The following TRPM3 variants were observed in gnomAD, a reference collection of about 807,000 sequenced individuals.
TRPM3 encodes transient receptor potential cation channel subfamily M member 3.
TRPM3 carries 77 observed loss-of-function variants against 181.2 expected under a neutral mutation model. The ratio of observed to expected loss-of-function variants is 0.42; its 90% CI spans 0.35 to 0.51. The LOEUF (loss-of-function observed/expected upper bound fraction) is 0.51. TRPM3 is among the 20% of genes least tolerant of loss of function. TRPM3 has a pLI of 0.01. For synonymous variants in TRPM3, 745 were observed against 796.4 expected (o/e 0.94, Z 1.09); for missense variants, 1,759 against 2,196.7 (o/e 0.80, Z 3.98).
intron 8 of TRPM3, among the ~76,000 whole-genome samples, chr9:70,750,478 AGG>A (rs1169202892): frequency 6.6e-6 from 1 of 152,156 alleles, no homozygotes; most frequent in Non-Finnish European, 1.5e-5. Flanking sequence ...TCAAGCCTGG[AGG>A]AGTGTTTGGA....
chr9:70,775,257 C>T (rs1457889537), intron 7 of TRPM3: 1 of 152,142 alleles, frequency 6.6e-6, no homozygotes. Context: ...GGTTTTAAAG[C>T]CCTTACTACA....
intron 1 of TRPM3, among the ~76,000 whole-genome samples, chr9:71,201,332 G>A (rs1402872466): frequency 2.0e-5 from 3 of 152,048 alleles, no homozygotes; most frequent in Non-Finnish European, 2.9e-5. Context: ...CAACTTTGGT[G>A]AATCTGACAA....
At chr9:70,677,060 G>A (rs186355688) in intron 9 of TRPM3, among the ~76,000 whole-genome samples, 247 of 151,180 alleles carry the variant, frequency 1.6e-3, no homozygotes, top group Non-Finnish European at 2.3e-3. Flanking sequence ...GGTAGGAGGC[G>A]GGACTTGACT....
chr9:70,552,783 G>T (rs2046791664), intron 24 of TRPM3, 61 bp downstream of exon 24: 1 of 1,564,934 alleles, frequency 6.4e-7, no homozygotes. Context: ...CTGCGTGATT[G>T]CCTATAGGAA....
intron 8 of TRPM3, among the ~76,000 whole-genome samples, chr9:70,740,648 A>G (rs993894584): frequency 6.6e-6 from 1 of 152,228 alleles, no homozygotes; most frequent in Non-Finnish European, 1.5e-5. Context: ...CCAATGGAAC[A>G]TGATAGAGAA....
At chr9:71,241,994 A>G (rs1200088387) in intron 1 of TRPM3, among the ~76,000 whole-genome samples, 2 of 152,248 alleles carry the variant, frequency 1.3e-5, no homozygotes, top group Non-Finnish European at 2.9e-5. Context: ...AATCAGAATG[A>G]CTGAGATATA....
intron 1 of TRPM3, among the ~76,000 whole-genome samples, chr9:70,913,792 G>T (rs1283634039): frequency 6.6e-6 from 1 of 152,052 alleles, no homozygotes; most frequent in Non-Finnish European, 1.5e-5. Context: ...GTTCTTCCAG[G>T]AGTAAAATAC....
intron 1 of TRPM3, among the ~76,000 whole-genome samples, chr9:71,244,489 A>G (rs1166141240): frequency 2.0e-5 from 3 of 152,148 alleles, no homozygotes; most frequent in Non-Finnish European, 4.4e-5. Context: ...TTTGTGGTAC[A>G]TATTGGGGAA....
At chr9:71,158,490 TAAG>T (rs1390679032) in intron 1 of TRPM3, among the ~76,000 whole-genome samples, 1 of 152,154 alleles carries the variant, frequency 6.6e-6, no homozygotes, top group Non-Finnish European at 1.5e-5. Flanking sequence ...CAAAGAGAGT[TAAG>T]AAGAAGAAAA....
At chr9:70,990,501 G>A (rs1044905992) in intron 1 of TRPM3, among the ~76,000 whole-genome samples, 5 of 152,104 alleles carry the variant, frequency 3.3e-5, no homozygotes, top group Non-Finnish European at 7.3e-5. Flanking sequence ...GGTCTTGAAC[G>A]GTGATTCCCT....
In TRPM3 at chr9:70,534,608, T is replaced by C. The variant is rs927554241; in HGVS notation, c.*1345A>G. 2.6e-5 allele frequency: 4 copies of C among 152,234 alleles called. No homozygotes were observed. Among genetic ancestry groups the C allele is most frequent in the African/African-American group, 9.6e-5 (4 of 41,458 alleles). 9.4% of individuals were successfully genotyped at this position (152,234 alleles called of 1,614,324 possible). On this transcript the variant is annotated 3_prime_UTR_variant, in exon 26 of 26. Coordinates refer to ENST00000677713, the MANE Select transcript of TRPM3 (RefSeq NM_001366145.2). The stretch of plus-strand genomic sequence containing the variant: ...CTTTCTATTTTGGTCTACTGTATCT[T>C]TTTTTATAGCTCTGTCTATAAGAAA...
chr9:71,236,391 CCCT>C (rs1337784321), intron 1 of TRPM3, among the ~76,000 whole-genome samples: 1 of 151,768 alleles, frequency 6.6e-6, no homozygotes, highest in Non-Finnish European at 1.5e-5. Flanking sequence ...CCCTCTTCTC[CCCT>C]CCTTTCTCCC....
At chr9:71,233,726 T>C (rs549148354) in intron 1 of TRPM3, among the ~76,000 whole-genome samples, 17 of 152,322 alleles carry the variant, frequency 1.1e-4, no homozygotes, top group South Asian at 4.1e-4. Flanking sequence ...TTAGAAAGAC[T>C]TCTAGAGCTT....
intron 1 of TRPM3, among the ~76,000 whole-genome samples, chr9:70,988,982 A>T (rs2097449418): frequency 6.6e-6 from 1 of 152,192 alleles, no homozygotes; most frequent in Non-Finnish European, 1.5e-5. Context: ...CCTCCAGATG[A>T]GGATGCAACT....
chr9:70,937,437 T>C (rs562673349), intron 1 of TRPM3, among the ~76,000 whole-genome samples: 1 of 152,354 alleles, frequency 6.6e-6, no homozygotes, highest in East Asian at 1.9e-4. Flanking sequence ...GCAGTAACTC[T>C]AATAATGTTT....
chr9:71,317,706 CGAGA>C (rs1565456354), intron 1 of TRPM3, among the ~76,000 whole-genome samples: 1 of 151,354 alleles, frequency 6.6e-6, no homozygotes, highest in Admixed American at 6.6e-5. Flanking sequence ...CGCACACGCG[CGAGA>C]GAGAAGGTGC....
chr9:71,205,259 T>C (rs998175486), intron 1 of TRPM3, among the ~76,000 whole-genome samples: 1 of 151,256 alleles, frequency 6.6e-6, no homozygotes, highest in African/African-American at 2.4e-5. Flanking sequence ...AAAAAAAAAT[T>C]AATCTCATTT....
chr9:71,149,236 C>T (rs745861176), intron 1 of TRPM3, among the ~76,000 whole-genome samples: 2 of 151,916 alleles, frequency 1.3e-5, no homozygotes, highest in African/African-American at 2.4e-5. Context: ...CCAGTCTCTA[C>T]AAAAAATAAT....
intron 1 of TRPM3, among the ~76,000 whole-genome samples, chr9:71,082,256 T>G (rs1268474393): frequency 1.3e-5 from 2 of 152,228 alleles, no homozygotes; most frequent in Non-Finnish European, 2.9e-5. Flanking sequence ...GATTTGATTA[T>G]GTAGTGGTCA....
Sources: gnomAD v4.1 joint callset for allele counts (sites outside exome capture counted in the v4.1 genomes callset) on GRCh38, gnomAD v4.1.1 for gene constraint, MANE v1.5 for transcripts, NCBI Gene and HGNC (gene_info 2026-07-23, HGNC 2026-07-21) for gene names.